The following CTCF variants were observed in gnomAD, a reference collection of about 807,000 sequenced individuals.
CTCF encodes transcriptional repressor CTCF.
In CTCF, 7 loss-of-function variants were observed where a neutral mutation model predicts 72.3. That is an observed-to-expected ratio of 0.10 (90% CI 0.06 to 0.18). The LOEUF is 0.18. CTCF is among the 10% of genes least tolerant of loss of function. The probability of loss-of-function intolerance (pLI) is 1.00; values close to 1 mark genes in which losing one functional copy is unlikely to be tolerated. For missense variants in CTCF, 516 were observed against 949.1 expected, an observed-to-expected ratio of 0.54 and a Z score of 6.00; for synonymous variants, 374 against 315.8, an observed-to-expected ratio of 1.18 and a Z score of -1.95.
At chr16:67,584,337 C>CTTTTTTTT (rs904086024) in intron 2 of CTCF, among the ~76,000 whole-genome samples, 41 of 105,834 alleles carry the variant, frequency 3.9e-4, no homozygotes, top group African/African-American at 1.4e-3. Flanking sequence ...AAAAAGTCTT[C>CTTTTTTTT]TTTTTTTTTT....
At chr16:67,564,883 C>T (rs1329316787) in intron 1 of CTCF, among the ~76,000 whole-genome samples, 1 of 152,132 alleles carries the variant, frequency 6.6e-6, no homozygotes, top group Non-Finnish European at 1.5e-5. Flanking sequence ...ACCTTTTCCA[C>T]ACAGTTGCTA....
chr16:67,616,866 C>T lies in CTCF; in HGVS notation c.1074C>T (p.Tyr358=), dbSNP rs775039627. ...CATTCAAGTGTTCCATGTGCGATTA[C>T]GCCAGTGTAGAAGTGAGTGTTCAGC... ...EKPFKCSMCD[Y]ASVEVSKLKR... The change falls in exon 5 of 12, where the codon TAC becomes TAT. Residue 358 remains tyrosine (Y), a synonymous_variant. Transcript: ENST00000264010. The T allele has an allele frequency of 4.3e-6, 7 of 1,614,032 alleles. No homozygotes were observed. The highest frequency in any genetic ancestry group is 1.7e-5 in the Admixed American group (1 of 59,980).
intron 2 of CTCF, among the ~76,000 whole-genome samples, chr16:67,608,152 G>A (rs1242222701): frequency 4.0e-5 from 6 of 151,742 alleles, no homozygotes; most frequent in Non-Finnish European, 7.4e-5. Context: ...GTGAAACCCC[G>A]TCTCTACTAA....
At chr16:67,620,516 G>A (rs2052187022) in intron 5 of CTCF, among the ~76,000 whole-genome samples, 181 bp from the exon 6 acceptor site, 1 of 152,148 alleles carries the variant, frequency 6.6e-6, no homozygotes, top group Non-Finnish European at 1.5e-5. Context: ...ACTTCTCTTA[G>A]ATAATGATAT....
At chr16:67,612,302 G>A in intron 4 of CTCF, 181 bp downstream of exon 4, 1 of 488,862 alleles carries the variant, frequency 2.0e-6, no homozygotes, top group Non-Finnish European at 3.4e-6. Context: ...CAAATGTAAA[G>A]AAAATTTAAT....
chr16:67,582,846 T>G (rs2051605106), intron 2 of CTCF, among the ~76,000 whole-genome samples: 1 of 152,126 alleles, frequency 6.6e-6, no homozygotes, highest in Admixed American at 6.6e-5. Flanking sequence ...GTTTAATGAC[T>G]TACAGATAGG....
chr16:67,604,142 AAAAG>A (rs2051937525), intron 2 of CTCF, among the ~76,000 whole-genome samples: 2 of 150,640 alleles, frequency 1.3e-5, no homozygotes, highest in Non-Finnish European at 3.0e-5. Flanking sequence ...AAAAAAAAAA[AAAAG>A]AAAAGAAAAG....
chr16:67,638,160 T>TAA lies in CTCF; in HGVS notation c.*288_*289insAA, dbSNP rs2052457745. 2.9e-6 allele frequency: 1 copy of TAA among 346,544 alleles called. No individual in the cohort carries two copies. The highest frequency in any genetic ancestry group is 4.3e-5 in the Admixed American group (1 of 23,248). 21.5% of individuals were successfully genotyped at this position (346,544 alleles called of 1,614,324 possible). On this transcript the variant is annotated 3_prime_UTR_variant, in exon 12 of 12. Coordinates refer to ENST00000264010, the MANE Select transcript of CTCF (RefSeq NM_006565.4). ...GTTTTCCTAGATGGAAACGGAGACA[T>TAA]TGACCCCTCCCTCCATGTGGTAAAC...
chr16:67,587,843 A>G (rs981515996), intron 2 of CTCF, among the ~76,000 whole-genome samples: 4 of 152,000 alleles, frequency 2.6e-5, no homozygotes, highest in African/African-American at 9.7e-5. Context: ...GTTTTGAGAT[A>G]GGCTTTGTAG....
chr16:67,632,255 A>C (rs2052375751), intron 10 of CTCF, among the ~76,000 whole-genome samples: 2 of 152,066 alleles, frequency 1.3e-5, no homozygotes, highest in South Asian at 4.1e-4. Flanking sequence ...CTTTCTCCTG[A>C]TACTGCCTTG....
intron 4 of CTCF, among the ~76,000 whole-genome samples, chr16:67,613,744 C>T (rs2052091291): frequency 6.6e-6 from 1 of 152,092 alleles, no homozygotes; most frequent in East Asian, 1.9e-4. Context: ...CCACCGTACT[C>T]CAACCTAAGT....
At chr16:67,592,957 CAG>C (rs1280293497) in intron 2 of CTCF, among the ~76,000 whole-genome samples, 1 of 151,224 alleles carries the variant, frequency 6.6e-6, no homozygotes, top group Admixed American at 6.6e-5. Flanking sequence ...AACCTGGAGG[CAG>C]GGGTTGCAGT....
intron 2 of CTCF, among the ~76,000 whole-genome samples, chr16:67,589,153 G>C (rs1304965380): frequency 6.6e-6 from 1 of 151,944 alleles, no homozygotes; most frequent in Non-Finnish European, 1.5e-5. Context: ...AAAATAGTAG[G>C]GTGCAGTGGT....
At chr16:67,586,641 C>T (rs1226111994) in intron 2 of CTCF, among the ~76,000 whole-genome samples, 3 of 151,556 alleles carry the variant, frequency 2.0e-5, no homozygotes, top group Non-Finnish European at 4.4e-5. Flanking sequence ...AGGTTCCAGA[C>T]TGTGTCTCAA....
chr16:67,637,991 A>G lies in CTCF; in HGVS notation c.*119A>G. The G allele has an allele frequency of 1.1e-6, 1 of 911,536 alleles. No individual in the cohort carries two copies. Among genetic ancestry groups the G allele is most frequent in the South Asian group, 2.0e-5 (1 of 51,188 alleles). The allele number at this position is 911,536 out of a possible 1,614,324, so 56.5% of individuals were successfully genotyped here. A position where few individuals can be genotyped will look rare whatever the true frequency, so the allele number is the denominator to read the frequency against. ...GGAAAAGCATCATTTTACCAAACAT[A>G]CCGAGAACGAAAACTTCAAGGATGA... On this transcript the variant is annotated 3_prime_UTR_variant, in exon 12 of 12. Coordinates refer to ENST00000264010, the MANE Select transcript of CTCF (RefSeq NM_006565.4).
chr16:67,574,171 A>C (rs1360461489), intron 2 of CTCF, among the ~76,000 whole-genome samples: 15 of 152,134 alleles, frequency 9.9e-5, no homozygotes, highest in Non-Finnish European at 4.4e-5. Flanking sequence ...TCAGTCCCAT[A>C]AGACCACCTG....
At chr16:67,598,490 A>G (rs1358283695) in intron 2 of CTCF, among the ~76,000 whole-genome samples, 1 of 152,254 alleles carries the variant, frequency 6.6e-6, no homozygotes, top group African/African-American at 2.4e-5. Flanking sequence ...AAACCAGAAA[A>G]TACAAATTAT....
intron 2 of CTCF, among the ~76,000 whole-genome samples, chr16:67,586,985 A>C (rs1011101904): frequency 6.6e-6 from 1 of 151,840 alleles, no homozygotes; most frequent in African/African-American, 2.4e-5. Flanking sequence ...TGTAAAGACA[A>C]GGTTTTGCCA....
rs1464405589 is a variant in CTCF at position 67,572,951 on chromosome 16, C to CCCT, written c.-10+1689_-10+1690insTCC. Among the ~76,000 whole-genome samples the CCCT allele has an allele frequency of 1.8e-3, 236 of 128,196 alleles. 11 individuals carry two copies. The highest frequency in any genetic ancestry group is 6.8e-3 in the African/African-American group (226 of 33,424). 84.1% of individuals were successfully genotyped at this position (128,196 alleles called of 152,430 possible). A position where few individuals can be genotyped will look rare whatever the true frequency, so the allele number is the denominator to read the frequency against. On this transcript the variant is annotated intron_variant, in intron 2 of 11. Transcript: ENST00000264010. ...TGACTCTGTCTGCCCCCCCCCGCCC[C>CCCT]CCCCCCCAAAACAACAAAAGACTGG...
Sources: allele counts gnomAD v4.1 joint callset (sites outside exome capture counted in the v4.1 genomes callset), GRCh38; gene constraint gnomAD v4.1.1; transcripts MANE v1.5; gene names NCBI Gene and HGNC (gene_info 2026-07-23, HGNC 2026-07-21).